Variants in PTPRD observed in about 807,000 individuals in gnomAD.
The protein encoded by PTPRD is protein tyrosine phosphatase receptor type D, also known as receptor-type tyrosine-protein phosphatase delta.
PTPRD carries 34 observed loss-of-function variants against 214.5 expected under a neutral mutation model. That is an observed-to-expected ratio of 0.16 (90% CI 0.12 to 0.21). The LOEUF is 0.21. Ranked by LOEUF, PTPRD falls within the 10% of genes least tolerant of loss-of-function variation. PTPRD has a pLI of 1.00. For synonymous variants in PTPRD, 1,128 were observed against 845.7 expected, an observed-to-expected ratio of 1.33 and a Z score of -5.79; for missense variants, 2,545 against 2,398.7, an observed-to-expected ratio of 1.06 and a Z score of -1.27.
intron 11 of PTPRD, among the ~76,000 whole-genome samples, chr9:8,887,872 G>C (rs963298506): frequency 3.3e-5 from 5 of 152,170 alleles, no homozygotes; most frequent in Admixed American, 3.3e-4. Context: ...AAACACATCA[G>C]CGCTTTGATG....
chr9:8,851,213 A>T (rs1055721613), intron 11 of PTPRD, among the ~76,000 whole-genome samples: 2 of 151,772 alleles, frequency 1.3e-5, no homozygotes, highest in Non-Finnish European at 1.5e-5. Flanking sequence ...AAAAAAAAAA[A>T]AGGCACTTAT....
At chr9:8,615,773 G>A (rs919483877) in intron 14 of PTPRD, among the ~76,000 whole-genome samples, 1 of 151,942 alleles carries the variant, frequency 6.6e-6, no homozygotes, top group African/African-American at 2.4e-5. Flanking sequence ...GAAAATGCAT[G>A]CCCCAATAAT....
At position 10,612,387 on chromosome 9, in the gene PTPRD, A is replaced by C. The variant is rs939392362; in HGVS notation, c.-600+11T>G. The C allele has an allele frequency of 6.6e-6, 1 of 152,216 alleles. No individual in the cohort carries two copies. Among genetic ancestry groups the C allele is most frequent in the Non-Finnish European group, 1.5e-5 (1 of 68,076 alleles). 9.4% of individuals were successfully genotyped at this position (152,216 alleles called of 1,614,324 possible). Reference sequence around the variant, plus strand: ...TTAGAGAAAAGAAAGACAGAAGCACAGTTTACTTACTAAAGCAGCCGCTCC... The same window carrying C: ...TTAGAGAAAAGAAAGACAGAAGCACCGTTTACTTACTAAAGCAGCCGCTCC... On this transcript the variant is annotated intron_variant, in intron 2 of 45. Coordinates refer to ENST00000381196, the MANE Select transcript of PTPRD (RefSeq NM_002839.4).
chr9:10,158,332 T>C (rs1281344468), intron 3 of PTPRD, among the ~76,000 whole-genome samples: 1 of 152,180 alleles, frequency 6.6e-6, no homozygotes, highest in African/African-American at 2.4e-5. Context: ...CTATACTGGG[T>C]ATTTTATCTG....
intron 10 of PTPRD, among the ~76,000 whole-genome samples, chr9:9,079,368 A>C (rs1369102493): frequency 6.6e-6 from 1 of 152,092 alleles, no homozygotes; most frequent in Non-Finnish European, 1.5e-5. Flanking sequence ...ATGTTGCCAT[A>C]CATGACAGGA....
intron 4 of PTPRD, among the ~76,000 whole-genome samples, chr9:9,990,783 T>A (rs1166677674): frequency 2.0e-5 from 3 of 152,202 alleles, no homozygotes; most frequent in African/African-American, 7.2e-5. Context: ...AAATTTATTA[T>A]CATGTTACCC....
chr9:9,042,605 C>CTTTTTTTTTTTTTTTTTTTTTTTTTT (rs201347176), intron 10 of PTPRD, among the ~76,000 whole-genome samples: 1 of 81,258 alleles, frequency 1.2e-5, no homozygotes, highest in African/African-American at 3.9e-5. Context: ...AGCATTTTTT[C>CTTTTTTTTTTTTTTTTTTTTTTTTTT]TTTTTTTTCT....
chr9:9,546,370 A>G (rs1476982558), intron 8 of PTPRD, among the ~76,000 whole-genome samples: 1 of 151,768 alleles, frequency 6.6e-6, no homozygotes, highest in Non-Finnish European at 1.5e-5. Context: ...CAATTTTTAT[A>G]GCAAAATTAA....
At chr9:10,352,731 C>T (rs531212982) in intron 2 of PTPRD, among the ~76,000 whole-genome samples, 7 of 152,068 alleles carry the variant, frequency 4.6e-5, no homozygotes, top group African/African-American at 1.7e-4. Context: ...GGTTATATTT[C>T]TATTGCTCTA....
At chr9:9,646,324 TGTGTGTGTGTGTGTGTGTGG>T (rs1564283328) in intron 7 of PTPRD, among the ~76,000 whole-genome samples, 41 of 148,382 alleles carry the variant, frequency 2.8e-4, no homozygotes, top group African/African-American at 1.1e-3. Flanking sequence ...TGTGGGTGTG[TGTGTGTGTGTGTGTGTGTGG>T]GTGTGTGTGT....
intron 4 of PTPRD, among the ~76,000 whole-genome samples, chr9:10,010,261 T>A (rs530500287): frequency 6.6e-6 from 1 of 152,036 alleles, no homozygotes; most frequent in Non-Finnish European, 1.5e-5. Context: ...GAGTATAGAT[T>A]TTAAATTATT....
chr9:8,746,329 CA>C (rs1296794774), intron 11 of PTPRD, among the ~76,000 whole-genome samples: 1 of 152,092 alleles, frequency 6.6e-6, no homozygotes, highest in Admixed American at 6.5e-5. Flanking sequence ...GTTGGCGTTA[CA>C]AAGTGATTTG....
chr9:8,381,969 G>T (rs1488241809), intron 37 of PTPRD, among the ~76,000 whole-genome samples: 2 of 152,086 alleles, frequency 1.3e-5, no homozygotes, highest in African/African-American at 4.8e-5. Context: ...CACATGAGGT[G>T]GGTCCTCAGA....
intron 10 of PTPRD, among the ~76,000 whole-genome samples, chr9:9,111,187 T>C (rs975624393): frequency 9.2e-6 from 1 of 109,052 alleles, no homozygotes; most frequent in Non-Finnish European, 1.9e-5. Flanking sequence ...TTTCAAAGGA[T>C]AAATAGAAAT....
At chr9:8,453,910 G>GT (rs1253517654) in intron 33 of PTPRD, among the ~76,000 whole-genome samples, 3 of 152,054 alleles carry the variant, frequency 2.0e-5, no homozygotes, top group Non-Finnish European at 2.9e-5. Context: ...TCTTCAAGAT[G>GT]TTTTTTGTAG....
At chr9:9,260,489 AT>A (rs1378000081) in intron 9 of PTPRD, among the ~76,000 whole-genome samples, 6 of 151,876 alleles carry the variant, frequency 4.0e-5, no homozygotes, top group African/African-American at 1.4e-4. Flanking sequence ...GCCTCTTGTC[AT>A]TTTAACGCTG....
intron 3 of PTPRD, among the ~76,000 whole-genome samples, chr9:10,237,354 A>C (rs73641891): frequency 0.079 from 11,937 of 151,952 alleles, 630 homozygotes; most frequent in East Asian, 0.17. Flanking sequence ...TGCTGAATTA[A>C]TATCTTTATT....
intron 4 of PTPRD, among the ~76,000 whole-genome samples, chr9:10,022,721 T>A (rs1200172121): frequency 2.6e-5 from 4 of 152,206 alleles, no homozygotes; most frequent in Non-Finnish European, 5.9e-5. Context: ...AAGATTTACA[T>A]TGACTAAGTT....
At chr9:10,308,033 A>AT (rs529687339) in intron 3 of PTPRD, among the ~76,000 whole-genome samples, 10 of 150,956 alleles carry the variant, frequency 6.6e-5, no homozygotes, top group East Asian at 2.0e-4. Flanking sequence ...CACTTTCTTG[A>AT]TTTTTTTTCC....
Sources: allele counts gnomAD v4.1 joint callset (sites outside exome capture counted in the v4.1 genomes callset), GRCh38; gene constraint gnomAD v4.1.1; transcripts MANE v1.5; gene names NCBI Gene and HGNC (gene_info 2026-07-23, HGNC 2026-07-21).